Variants in TCEA1 observed in about 807,000 individuals in gnomAD.
TCEA1 encodes transcription elongation factor A protein 1.
Under a neutral mutation model 43.8 loss-of-function variants are expected in TCEA1, and 21 were observed. That is an observed-to-expected ratio of 0.48 (90% CI 0.34 to 0.69). The LOEUF (loss-of-function observed/expected upper bound fraction) is 0.69. Ranked by LOEUF, TCEA1 falls within the 30% of genes least tolerant of loss-of-function variation. The pLI is 0.01. For missense variants in TCEA1, 250 were observed against 365.1 expected (o/e 0.68, Z 2.57); for synonymous variants, 104 against 117.5 (o/e 0.88, Z 0.75).
At chr8:53,990,996 G>T (rs1279118137) in intron 4 of TCEA1, among the ~76,000 whole-genome samples, 1 of 152,152 alleles carries the variant, frequency 6.6e-6, no homozygotes, top group Non-Finnish European at 1.5e-5. Context: ...CGGGGATGGG[G>T]TGTAGATAGA....
At chr8:53,982,229 A>G (rs1803533092) in intron 7 of TCEA1, among the ~76,000 whole-genome samples, 1 of 152,154 alleles carries the variant, frequency 6.6e-6, no homozygotes, top group Admixed American at 6.6e-5. Context: ...GAAGAGGTCA[A>G]TATGTCAACA....
intron 2 of TCEA1, among the ~76,000 whole-genome samples, chr8:54,005,094 T>C (rs1214348152): frequency 6.6e-6 from 1 of 152,166 alleles, no homozygotes; most frequent in Non-Finnish European, 1.5e-5. Flanking sequence ...ACTCTTCAGA[T>C]CTCATTTGAT....
chr8:54,005,350 C>T (rs894521392), intron 2 of TCEA1, among the ~76,000 whole-genome samples: 4 of 152,192 alleles, frequency 2.6e-5, no homozygotes, highest in African/African-American at 9.6e-5. Flanking sequence ...TCAACACTCA[C>T]ATCAGAAACA....
chr8:54,001,977 T>TA (rs57672283), intron 2 of TCEA1, among the ~76,000 whole-genome samples: 227 of 138,552 alleles, frequency 1.6e-3, no homozygotes, highest in Non-Finnish European at 1.8e-3. Context: ...CTGTCTCTAC[T>TA]AAAAAAAAAA....
chr8:54,006,797 C>G (rs1262221673), intron 2 of TCEA1, among the ~76,000 whole-genome samples: 1 of 152,172 alleles, frequency 6.6e-6, no homozygotes, highest in Non-Finnish European at 1.5e-5. Context: ...TGACTTACTT[C>G]CTTTCTCTTA....
chr8:53,999,672 C>A (rs1804190294), intron 3 of TCEA1: 3 of 367,852 alleles, frequency 8.2e-6, no homozygotes, highest in Non-Finnish European at 9.7e-6. Flanking sequence ...CAAAAGGTAT[C>A]CACAACCTTT....
At chr8:54,000,080 T>C (rs746275363) in intron 2 of TCEA1, 30 bp from the exon 3 acceptor site, 4 of 1,239,372 alleles carry the variant, frequency 3.2e-6, no homozygotes, top group Non-Finnish European at 4.5e-6. Flanking sequence ...AAATTATGTA[T>C]ACCAATTTTA....
chr8:53,967,514 G>A lies in TCEA1; in HGVS notation c.*590C>T, dbSNP rs1232680224. 1.0e-5 allele frequency: 2 copies of A among 200,164 alleles called. No homozygotes were observed. Among genetic ancestry groups the A allele is most frequent in the South Asian group, 1.9e-4 (1 of 5,256 alleles). The allele number at this position is 200,164 out of a possible 1,614,324, so 12.4% of individuals were successfully genotyped here. On this transcript the variant is annotated 3_prime_UTR_variant, in exon 10 of 10. Coordinates refer to ENST00000521604, the MANE Select transcript of TCEA1 (RefSeq NM_006756.4). ...AGAAATTACAAGAAATGATGATCAC[G>A]GTTAGTTACAGATGCAAAATAATAT...
intron 3 of TCEA1, among the ~76,000 whole-genome samples, chr8:53,995,335 T>C (rs1336271261): frequency 2.0e-5 from 3 of 148,782 alleles, no homozygotes; most frequent in Non-Finnish European, 4.4e-5. Flanking sequence ...AGTGCATGCC[T>C]GTAGTCCCAG....
intron 4 of TCEA1, 63 bp downstream of exon 4, chr8:53,993,605 G>T: frequency 1.5e-6 from 2 of 1,344,840 alleles, no homozygotes; most frequent in Non-Finnish European, 2.1e-6. Flanking sequence ...TTAGACAGGG[G>T]AATTGATGCA....
intron 8 of TCEA1, among the ~76,000 whole-genome samples, chr8:53,976,558 C>T (rs10099080): frequency 0.17 from 25,421 of 152,146 alleles, 6,003 homozygotes; most frequent in African/African-American, 0.53. Flanking sequence ...CATACTGGCT[C>T]CAACTTTAGG....
intron 7 of TCEA1, among the ~76,000 whole-genome samples, chr8:53,983,393 T>C (rs1055721823): frequency 2.0e-5 from 3 of 152,224 alleles, no homozygotes; most frequent in African/African-American, 7.2e-5. Flanking sequence ...CACTAAAACG[T>C]TGAAATTGTA....
At chr8:54,008,856 T>A (rs75186576) in intron 2 of TCEA1, among the ~76,000 whole-genome samples, 4 of 148,184 alleles carry the variant, frequency 2.7e-5, no homozygotes, top group East Asian at 1.9e-4. Flanking sequence ...TTTATTTATT[T>A]TTTTTTTTTT....
chr8:53,982,613 C>CAAAAAAAA (rs558788906), intron 7 of TCEA1, among the ~76,000 whole-genome samples: 1 of 57,804 alleles, frequency 1.7e-5, no homozygotes, highest in Non-Finnish European at 3.5e-5. Context: ...CATTCCCCAC[C>CAAAAAAAA]AAAAAAAAAA....
At chr8:53,976,669 G>C (rs1803341803) in intron 8 of TCEA1, among the ~76,000 whole-genome samples, 1 of 149,194 alleles carries the variant, frequency 6.7e-6, no homozygotes, top group Non-Finnish European at 1.5e-5. Context: ...ACTTTTTAAA[G>C]AAGTTTTAAC....
chr8:53,967,080 T>C lies in TCEA1; in HGVS notation c.*1024A>G, dbSNP rs754837321. 2.2e-4 allele frequency: 47 copies of C among 211,148 alleles called. No homozygotes were observed. The highest frequency in any genetic ancestry group is 7.6e-5 in the Non-Finnish European group (8 of 104,602). The allele number at this position is 211,148 out of a possible 1,614,324, so 13.1% of individuals were successfully genotyped here. On this transcript the variant is annotated 3_prime_UTR_variant, in exon 10 of 10. Coordinates refer to ENST00000521604, the MANE Select transcript of TCEA1 (RefSeq NM_006756.4). ...TCAGTTTGTTCAACAATCTCACTCA[T>C]GACAGAAAAAGTCAGCAAATAAGAC...
intron 3 of TCEA1, 115 bp downstream of exon 3, chr8:53,999,830 A>G: frequency 1.5e-5 from 11 of 733,266 alleles, no homozygotes; most frequent in Non-Finnish European, 2.1e-5. Flanking sequence ...TGCTTTCAGT[A>G]TATCTAGATT....
At chr8:53,973,059 A>G (rs536065138) in intron 8 of TCEA1, 173 of 671,360 alleles carry the variant, frequency 2.6e-4, no homozygotes, top group Non-Finnish European at 4.1e-4. Context: ...GCTTTTGGAC[A>G]TGGATTTTCA....
chr8:53,996,131 A>C (rs930879933), intron 3 of TCEA1, among the ~76,000 whole-genome samples: 2 of 152,276 alleles, frequency 1.3e-5, no homozygotes, highest in Non-Finnish European at 2.9e-5. Context: ...AATGCTGCCA[A>C]AGGGACAGCA....
Sources: allele counts gnomAD v4.1 joint callset (sites outside exome capture counted in the v4.1 genomes callset), GRCh38; gene constraint gnomAD v4.1.1; transcripts MANE v1.5; gene names NCBI Gene and HGNC (gene_info 2026-07-23, HGNC 2026-07-21).